KIAA1549L: variants seen among roughly 807,000 people sequenced by gnomAD.
KIAA1549L encodes the protein UPF0606 protein KIAA1549L.
In KIAA1549L, 88 loss-of-function variants were observed where a neutral mutation model predicts 160.7. The ratio of observed to expected loss-of-function variants is 0.55; its 90% confidence interval spans 0.46 to 0.65. KIAA1549L has a LOEUF of 0.65. Ranked by LOEUF, KIAA1549L falls within the 30% of genes least tolerant of loss-of-function variation. The pLI, the probability that KIAA1549L is intolerant of heterozygous loss-of-function variation, is 0.00. For synonymous variants in KIAA1549L, 950 were observed against 976.7 expected, an observed-to-expected ratio of 0.97 and a Z score of 0.51; for missense variants, 2,258 against 2,437.5, an observed-to-expected ratio of 0.93 and a Z score of 1.55.
chr11:33,590,538 A>G (rs1425487009), intron 11 of KIAA1549L, among the ~76,000 whole-genome samples: 1 of 152,248 alleles, frequency 6.6e-6, no homozygotes, highest in East Asian at 1.9e-4. Context: ...ATGCTGTGCA[A>G]TAAAACTTTG....
intron 1 of KIAA1549L, among the ~76,000 whole-genome samples, chr11:33,409,380 C>G (rs1002671250): frequency 1.3e-5 from 2 of 152,108 alleles, no homozygotes; most frequent in African/African-American, 4.8e-5. Context: ...CATTTGCTAT[C>G]CTGAATATTT....
At chr11:33,638,422 T>TAAAAAAAAAAAAA (rs371077129) in intron 16 of KIAA1549L, among the ~76,000 whole-genome samples, 1 of 43,638 alleles carries the variant, frequency 2.3e-5, no homozygotes, top group African/African-American at 2.1e-4. Flanking sequence ...CTAAAATAAA[T>TAAAAAAAAAAAAA]AAAAAAAAAA....
chr11:33,377,195 G>A (rs936415947), intron 1 of KIAA1549L, among the ~76,000 whole-genome samples: 1 of 152,198 alleles, frequency 6.6e-6, no homozygotes, highest in African/African-American at 2.4e-5. Context: ...TGTATCATTA[G>A]AACACGTTTC....
rs756425723 is a variant in KIAA1549L at position 33,645,684 on chromosome 11, A to G, written c.5410-2A>G. On this transcript the variant is annotated splice_acceptor_variant, in intron 16 of 20. Coordinates refer to ENST00000658780, the MANE Select transcript of KIAA1549L (RefSeq NM_012194.3). LOFTEE classifies it high-confidence loss of function. ...ATCAATGGGCTTTGTTTCCTCCCAC[A>G]GACTGAGCCTGAAATCATAGAGGAA... 1 of 1,609,762 alleles carries G rather than the reference A, an allele frequency of 6.2e-7. No homozygotes were observed. Among genetic ancestry groups the G allele is most frequent in the Non-Finnish European group, 8.5e-7 (1 of 1,176,194 alleles).
At chr11:33,471,674 G>T (rs1852180907) in intron 1 of KIAA1549L, among the ~76,000 whole-genome samples, 1 of 152,170 alleles carries the variant, frequency 6.6e-6, no homozygotes, top group Non-Finnish European at 1.5e-5. Context: ...TCCCTAGAAG[G>T]AGTCTCCTTC....
At chr11:33,557,286 G>A (rs1854681922) in intron 6 of KIAA1549L, among the ~76,000 whole-genome samples, 1 of 152,174 alleles carries the variant, frequency 6.6e-6, no homozygotes, top group Non-Finnish European at 1.5e-5. Context: ...ACCACACCCA[G>A]CCAGGATGTG....
intron 1 of KIAA1549L, among the ~76,000 whole-genome samples, chr11:33,392,297 G>A (rs2134049613): frequency 6.6e-6 from 1 of 152,316 alleles, no homozygotes; most frequent in East Asian, 1.9e-4. Context: ...TCTAAATGGT[G>A]CAATTAACAT....
chr11:33,452,256 T>G (rs1851735591), intron 1 of KIAA1549L, among the ~76,000 whole-genome samples: 1 of 152,030 alleles, frequency 6.6e-6, no homozygotes, highest in Non-Finnish European at 1.5e-5. Context: ...ATCATAGCTG[T>G]CCCCATGCAA....
chr11:33,502,031 A>C (rs1852961143), intron 1 of KIAA1549L, among the ~76,000 whole-genome samples: 1 of 152,214 alleles, frequency 6.6e-6, no homozygotes, highest in African/African-American at 2.4e-5. Flanking sequence ...CCAAGCACAC[A>C]CAGAGAGATG....
intron 17 of KIAA1549L, among the ~76,000 whole-genome samples, chr11:33,648,149 C>T (rs1430531252): frequency 6.7e-6 from 1 of 149,962 alleles, no homozygotes; most frequent in African/African-American, 2.5e-5. Flanking sequence ...CGCATACCAC[C>T]ACACCCAGCT....
intron 1 of KIAA1549L, among the ~76,000 whole-genome samples, chr11:33,529,616 A>G (rs144512060): frequency 6.6e-6 from 1 of 152,228 alleles, no homozygotes; most frequent in Non-Finnish European, 1.5e-5. Context: ...AGGCAATTGG[A>G]TCAGGAACTC....
chr11:33,487,164 C>T (rs1448828169), intron 1 of KIAA1549L, among the ~76,000 whole-genome samples: 3 of 152,156 alleles, frequency 2.0e-5, no homozygotes, highest in African/African-American at 4.8e-5. Flanking sequence ...AGATGTCAAA[C>T]TTTTGAGATC....
At chr11:33,621,311 A>C (rs1168592648) in intron 16 of KIAA1549L, among the ~76,000 whole-genome samples, 1 of 152,164 alleles carries the variant, frequency 6.6e-6, no homozygotes, top group African/African-American at 2.4e-5. Flanking sequence ...GGGGTTTGGG[A>C]TCACTGCGTT....
chr11:33,530,467 ATATATATATATATATATG>A, intron 1 of KIAA1549L, among the ~76,000 whole-genome samples: 2 of 65,242 alleles, frequency 3.1e-5, no homozygotes, highest in African/African-American at 5.1e-5. Flanking sequence ...ATATATATAT[ATATATATATATATATATG>A]CAAGATTTGC....
intron 16 of KIAA1549L, among the ~76,000 whole-genome samples, chr11:33,628,354 C>G (rs1345457113): frequency 1.3e-5 from 2 of 151,584 alleles, no homozygotes; most frequent in Admixed American, 6.6e-5. Context: ...GACTTTCTGT[C>G]TCGTTGATCT....
intron 17 of KIAA1549L, among the ~76,000 whole-genome samples, chr11:33,649,009 A>G (rs1851802392): frequency 6.6e-6 from 1 of 152,180 alleles, no homozygotes; most frequent in African/African-American, 2.4e-5. Context: ...TATTATCCCA[A>G]AGTACTCAGT....
chr11:33,515,719 A>T (rs1853328493), intron 1 of KIAA1549L, among the ~76,000 whole-genome samples: 1 of 151,896 alleles, frequency 6.6e-6, no homozygotes, highest in Non-Finnish European at 1.5e-5. Context: ...CCTCTTTTTC[A>T]TTTGGTTTCT....
At chr11:33,598,533 A>G (rs1186811627) in intron 12 of KIAA1549L, among the ~76,000 whole-genome samples, 1 of 152,136 alleles carries the variant, frequency 6.6e-6, no homozygotes, top group Non-Finnish European at 1.5e-5. Flanking sequence ...CACCATTCCC[A>G]TAGTCACGGC....
Position 33,603,823 on chromosome 11 carries a change from A to G in KIAA1549L, c.4880-2818A>G, listed in dbSNP as rs1224945713. On this transcript the variant is annotated intron_variant, in intron 13 of 20. Coordinates refer to ENST00000658780, the MANE Select transcript of KIAA1549L (RefSeq NM_012194.3). ...CTCCACCAAAAAAAAAAAAGAAAGA[A>G]AAAAGAAGGCCACTGTGGCTGGAGC... Among the ~76,000 whole-genome samples the G allele has an allele frequency of 4.0e-5, 6 of 151,898 alleles. No homozygotes were observed. The South Asian group carries it at 1.2e-3, about 32-fold the overall frequency.
Sources: gnomAD v4.1 joint callset for allele counts (sites outside exome capture counted in the v4.1 genomes callset) on GRCh38, gnomAD v4.1.1 for gene constraint, MANE v1.5 for transcripts, NCBI Gene and HGNC (gene_info 2026-07-23, HGNC 2026-07-21) for gene names.